Variants in VPS13C observed in about 807,000 individuals in gnomAD.
The protein encoded by VPS13C is intermembrane lipid transfer protein VPS13C.
A neutral mutation model predicts 456.8 loss-of-function variants in VPS13C; 358 were observed. The observed-to-expected ratio is 0.78, with a 90% CI of 0.72 to 0.86. The LOEUF (loss-of-function observed/expected upper bound fraction) is 0.86, where lower values mean the gene tolerates loss of function less well. Ranked by LOEUF, VPS13C falls within the 40% of genes least tolerant of loss-of-function variation. The probability of loss-of-function intolerance (pLI) is 0.00; values close to 1 mark genes in which losing one functional copy is unlikely to be tolerated. For synonymous variants in VPS13C, 1,578 were observed against 1,486.7 expected (o/e 1.06, Z -1.41); for missense variants, 4,818 against 4,385.4 (o/e 1.10, Z -2.79).
In VPS13C at chr15:61,910,230, G is replaced by C; in HGVS notation, c.8791C>G (p.Pro2931Ala). The C allele has an allele frequency of 6.6e-7, 1 of 1,518,632 alleles. No homozygotes were observed. The highest frequency in any genetic ancestry group is 1.3e-5 in the South Asian group (1 of 75,750). The allele number at this position is 1,518,632 out of a possible 1,614,324, so 94.1% of individuals were successfully genotyped here. ...TTATCCTGTCGGTTATAAAAGAATGGTTTGGAAGATCCTTCACAGCCCACC... is the reference window on the plus strand; with the variant it reads ...TTATCCTGTCGGTTATAAAAGAATGCTTTGGAAGATCCTTCACAGCCCACC... The part of the protein sequence containing the change: ...RVVGCEGSSK[P>A]FFYNRQDNGT... Residue 2931 changes from proline to alanine, a missense_variant, in exon 64 of 85, where the codon CCA becomes GCA. Transcript: ENST00000644861.
rs375715492 is a variant in VPS13C at position 61,857,502 on chromosome 15, ATGG to A, written c.10953-1096_10953-1094del. On this transcript the variant is annotated intron_variant, in intron 82 of 84. Coordinates refer to ENST00000644861, the MANE Select transcript of VPS13C (RefSeq NM_020821.3). ...GCAGCTGGAATACAAGATAGATACC[ATGG>A]TGAAGCTGCGAGAAAATGAGCTTAG... Among the ~76,000 whole-genome samples the A allele has an allele frequency of 6.2e-3, 943 of 152,316 alleles. 5 individuals carry two copies. Among genetic ancestry groups the A allele is most frequent in the South Asian group, 0.035 (170 of 4,828 alleles).
chr15:62,060,210 G>T, intron 1 of VPS13C, 65 bp downstream of exon 1: 1 of 924,028 alleles, frequency 1.1e-6, no homozygotes, highest in Non-Finnish European at 1.7e-6. Flanking sequence ...GCAGAATCCC[G>T]GACGGAGCAG....
At chr15:62,001,449 A>C (rs2046611039) in intron 15 of VPS13C, among the ~76,000 whole-genome samples, 1 of 152,192 alleles carries the variant, frequency 6.6e-6, no homozygotes, top group African/African-American at 2.4e-5. Context: ...ATAAGACATT[A>C]AGCAAATTAT....
At chr15:62,015,011 A>G (rs1267662377) in intron 9 of VPS13C, among the ~76,000 whole-genome samples, 1 of 152,162 alleles carries the variant, frequency 6.6e-6, no homozygotes, top group Non-Finnish European at 1.5e-5. Context: ...ACAGCAGCAA[A>G]CACTAAGGAA....
intron 18 of VPS13C, among the ~76,000 whole-genome samples, chr15:61,986,881 A>G (rs1394624665): frequency 6.6e-6 from 1 of 152,144 alleles, no homozygotes. Flanking sequence ...TCTATACACA[A>G]AAGTATCCTT....
chr15:62,035,718 T>C (rs2047972908), intron 3 of VPS13C, among the ~76,000 whole-genome samples: 1 of 152,000 alleles, frequency 6.6e-6, no homozygotes, highest in African/African-American at 2.4e-5. Flanking sequence ...CTCAGACCAG[T>C]TATATTCCAA....
chr15:61,865,526 TA>T, intron 81 of VPS13C: 48 of 938,938 alleles, frequency 5.1e-5, no homozygotes, highest in Middle Eastern at 5.5e-4. Context: ...TATACATACA[TA>T]TAATGTATGT....
rs1372842599 is a variant in VPS13C, at chr15:61,951,919, A to C, written c.4361T>G (p.Val1454Gly). The change falls in exon 39 of 85, where the codon GTC becomes GGC. Residue 1454 changes from valine (V) to glycine (G), a missense_variant. Transcript: ENST00000644861. ...KKGRPLHELN[V>G]LQLGMEAKVK... ...TTTAGCTTCCATTCCAAGTTGCAGG[A>C]CATTTAGCTCATGTAAAGGCCTTCC... is the stretch of plus-strand genomic sequence containing the variant. The C allele has an allele frequency of 2.5e-6, 4 of 1,613,818 alleles. No individual in the cohort carries two copies. Among genetic ancestry groups the C allele is most frequent in the African/African-American group, 1.3e-5 (1 of 74,936 alleles).
intron 3 of VPS13C, among the ~76,000 whole-genome samples, chr15:62,037,526 ATAAT>A (rs1567137667): frequency 0.024 from 3,393 of 141,436 alleles, 170 homozygotes; most frequent in African/African-American, 0.086. Flanking sequence ...AATATAATAA[ATAAT>A]GCAAAATTTC....
intron 66 of VPS13C, among the ~76,000 whole-genome samples, chr15:61,898,127 G>A (rs183949922): frequency 0.011 from 1,662 of 151,834 alleles, 40 homozygotes; most frequent in African/African-American, 0.039. Context: ...AGGAAGAACC[G>A]GTACCAGCCG....
intron 36 of VPS13C, 59 bp downstream of exon 36, chr15:61,959,388 TA>T: frequency 7.0e-7 from 1 of 1,437,828 alleles, no homozygotes; most frequent in Non-Finnish European, 9.3e-7. Flanking sequence ...GGATTTCTGC[TA>T]AAAGTCTTTG....
At chr15:61,885,280 TAAA>T (rs1456606167) in intron 67 of VPS13C, among the ~76,000 whole-genome samples, 1 of 152,108 alleles carries the variant, frequency 6.6e-6, no homozygotes, top group Non-Finnish European at 1.5e-5. Flanking sequence ...TGAAATTCAT[TAAA>T]AAACATCATC....
Position 61,949,625 on chromosome 15 carries a change from A to C in VPS13C, c.4597-20T>G. The C allele has an allele frequency of 6.3e-7, 1 of 1,582,824 alleles. No homozygotes were observed. ...TGAAACCTAAGATAATGAACAATTA[A>C]AGAGGCAGATTTCAGATGCAGTAAA... On this transcript the variant is annotated intron_variant, in intron 41 of 84. Transcript: ENST00000644861.
rs893915277 is a variant in VPS13C at position 62,060,432 on chromosome 15, C to T, written c.-58G>A. On this transcript the variant is annotated 5_prime_UTR_variant, in exon 1 of 85. Coordinates refer to ENST00000644861, the MANE Select transcript of VPS13C (RefSeq NM_020821.3). ...CGGAACCGCCCGGCGCAGCTGAGGG[C>T]TGCGACCAGCGCTGCAAATGACAGC... The T allele has an allele frequency of 5.6e-6, 5 of 886,782 alleles. No individual in the cohort carries two copies. Among genetic ancestry groups the T allele is most frequent in the African/African-American group, 1.8e-5 (1 of 56,412 alleles). 54.9% of individuals were successfully genotyped at this position (886,782 alleles called of 1,614,324 possible). A position where few individuals can be genotyped will look rare whatever the true frequency, so the allele number is the denominator to read the frequency against.
At position 61,920,157 on chromosome 15, in the gene VPS13C, C is replaced by T; in HGVS notation, c.7387G>A (p.Glu2463Lys). ...IFDVDAGQNLELEYASMVPSS... is the reference protein window; with the variant it reads ...IFDVDAGQNLKLEYASMVPSS... ...GGTACCATGCTGGCATACTCCAGTT[C>T]CAAATTCTGGCCAGCATCAACATCA... Residue 2463 changes from glutamate to lysine, a missense_variant, in exon 57 of 85, where the codon GAA becomes AAA. Glu to Lys is a moderately conservative substitution (Grantham distance 56). This residue lies in a region of VPS13C where 4,552 missense variants were observed against 4,130.6 expected (regional missense o/e 1.10). Coordinates refer to ENST00000644861, the MANE Select transcript of VPS13C (RefSeq NM_020821.3). 1 of 1,613,538 alleles carries T rather than the reference C, an allele frequency of 6.2e-7. No individual in the cohort carries two copies. The highest frequency in any genetic ancestry group is 8.5e-7 in the Non-Finnish European group (1 of 1,179,656).
At chr15:61,999,333 T>C (rs1047805762) in intron 16 of VPS13C, among the ~76,000 whole-genome samples, 3 of 151,248 alleles carry the variant, frequency 2.0e-5, no homozygotes, top group Middle Eastern at 3.2e-3. Context: ...TGACCCAAGA[T>C]TGCGCCACTG....
At chr15:62,025,070 C>G (rs1279944741) in intron 6 of VPS13C, among the ~76,000 whole-genome samples, 1 of 152,058 alleles carries the variant, frequency 6.6e-6, no homozygotes, top group East Asian at 1.9e-4. Context: ...TGCCATCAGG[C>G]AGGAGACTTC....
At chr15:61,979,889 G>C (rs1441505033) in intron 22 of VPS13C, among the ~76,000 whole-genome samples, 1 of 151,936 alleles carries the variant, frequency 6.6e-6, no homozygotes, top group Admixed American at 6.6e-5. Flanking sequence ...ATTATAATAA[G>C]AGATGAAATA....
At chr15:62,019,110 T>C (rs1308289396) in intron 9 of VPS13C, among the ~76,000 whole-genome samples, 1 of 152,200 alleles carries the variant, frequency 6.6e-6, no homozygotes, top group Non-Finnish European at 1.5e-5. Flanking sequence ...GGTAGTTTTG[T>C]ATTTCTGTGG....
Sources: allele counts gnomAD v4.1 joint callset (sites outside exome capture counted in the v4.1 genomes callset), GRCh38; gene constraint gnomAD v4.1.1; regional missense constraint gnomAD v4.1.1; transcripts MANE v1.5; gene names NCBI Gene and HGNC (gene_info 2026-07-23, HGNC 2026-07-21).